The following PTPRN2 variants were observed in gnomAD, a reference collection of about 807,000 sequenced individuals.
The protein encoded by PTPRN2 is receptor-type tyrosine-protein phosphatase N2.
A neutral mutation model predicts 118.8 loss-of-function variants in PTPRN2; 74 were observed. The observed-to-expected ratio is 0.62, with a 90% confidence interval of 0.52 to 0.76. The LOEUF is 0.76. Ranked by LOEUF, PTPRN2 falls within the 30% of genes least tolerant of loss-of-function variation. PTPRN2 has a pLI of 0.00. For synonymous variants in PTPRN2, 641 were observed against 608.0 expected (o/e 1.05, Z -0.80); for missense variants, 1,481 against 1,394.4 (o/e 1.06, Z -0.99).
intron 4 of PTPRN2, among the ~76,000 whole-genome samples, chr7:158,196,647 C>G (rs139854977): frequency 6.6e-6 from 1 of 152,316 alleles, no homozygotes; most frequent in Non-Finnish European, 1.5e-5. Context: ...AGACACCCAA[C>G]CGAGATGTAG....
chr7:158,421,118 A>C (rs1037788348), intron 2 of PTPRN2, among the ~76,000 whole-genome samples: 1 of 152,102 alleles, frequency 6.6e-6, no homozygotes, highest in Non-Finnish European at 1.5e-5. Flanking sequence ...TGTGGCTCAG[A>C]TCTTCAGTCC....
At chr7:158,289,895 T>C (rs1030007305) in intron 3 of PTPRN2, among the ~76,000 whole-genome samples, 63 of 152,344 alleles carry the variant, frequency 4.1e-4, no homozygotes, top group African/African-American at 1.4e-3. Context: ...AGGCTTGCTA[T>C]TGGGGTCCTC....
chr7:158,280,670 G>A (rs79128063), intron 3 of PTPRN2, among the ~76,000 whole-genome samples: 3,559 of 152,240 alleles, frequency 0.023, 159 homozygotes, highest in African/African-American at 0.081. Context: ...GTAGAGACGC[G>A]GCCGTGGAGT....
chr7:158,373,003 C>T (rs1003358765), intron 2 of PTPRN2, among the ~76,000 whole-genome samples: 22 of 152,148 alleles, frequency 1.4e-4, no homozygotes, highest in African/African-American at 4.8e-4. Flanking sequence ...CTGAGCAGGG[C>T]CACTACAGGG....
rs563630720 is a variant in PTPRN2 at position 157,801,058 on chromosome 7, T to C, written c.1788+97615A>G. Among the ~76,000 whole-genome samples, 1 of 144,250 alleles carries C rather than the reference T, an allele frequency of 6.9e-6. No homozygotes were observed. Among genetic ancestry groups the C allele is most frequent in the Non-Finnish European group, 1.5e-5 (1 of 64,662 alleles). 94.6% of individuals were successfully genotyped at this position (144,250 alleles called of 152,430 possible). ...ACATATATATACACATATATACACATATATATACACATATATATACACACA... is the reference window on the plus strand; with the variant it reads ...ACATATATATACACATATATACACACATATATACACATATATATACACACA... On this transcript the variant is annotated intron_variant, in intron 12 of 22. Coordinates refer to ENST00000389418, the MANE Select transcript of PTPRN2 (RefSeq NM_002847.5). The surrounding 1 kb of genome is among the most constrained non-coding windows in gnomAD (Gnocchi z 4.2).
At chr7:157,803,923 A>AGAGGC (rs1410846464) in intron 12 of PTPRN2, among the ~76,000 whole-genome samples, 75 of 152,240 alleles carry the variant, frequency 4.9e-4, no homozygotes, top group Admixed American at 2.0e-3. Context: ...TTTTGGTGTA[A>AGAGGC]TTTCTTCATT....
In PTPRN2 at chr7:157,609,003, G is replaced by C. The variant is rs559808354; in HGVS notation, c.2345-4928C>G. ...TTCCTTCACCTGGCCCTATAACTGA[G>C]TTAATGTCATTGGGTTAAATTAACC... On this transcript the variant is annotated intron_variant, in intron 15 of 22. Coordinates refer to ENST00000389418, the MANE Select transcript of PTPRN2 (RefSeq NM_002847.5). The surrounding 1 kb of genome is among the most constrained non-coding windows in gnomAD (Gnocchi z 4.9). 1.3e-5 allele frequency among the ~76,000 whole-genome samples: 2 copies of C among 152,200 alleles called. 1 individual carries two copies. Among genetic ancestry groups the C allele is most frequent in the Admixed American group, 1.3e-4 (2 of 15,284 alleles).
intron 11 of PTPRN2, among the ~76,000 whole-genome samples, chr7:157,934,197 G>A (rs190377835): frequency 5.6e-4 from 86 of 152,344 alleles, no homozygotes; most frequent in African/African-American, 1.9e-3. Flanking sequence ...TTTCTGCACC[G>A]TGAATGCTGT....
chr7:157,846,768 G>A (rs1808841474), intron 12 of PTPRN2, among the ~76,000 whole-genome samples: 2 of 150,612 alleles, frequency 1.3e-5, no homozygotes, highest in African/African-American at 4.9e-5. Flanking sequence ...GATGTCTACA[G>A]AGCCCTCTCT....
At chr7:157,643,386 C>T (rs1804823528) in intron 14 of PTPRN2, among the ~76,000 whole-genome samples, 2 of 152,224 alleles carry the variant, frequency 1.3e-5, no homozygotes, top group South Asian at 4.1e-4. Context: ...ATCACTCCCC[C>T]TCCCACAAAA....
rs1284763320 is a variant in PTPRN2 at position 157,748,515 on chromosome 7, T to C, written c.1789-65578A>G. Among the ~76,000 whole-genome samples, 168 of 60,596 alleles carry C rather than the reference T, an allele frequency of 2.8e-3. 3 individuals carry two copies. Among genetic ancestry groups the C allele is most frequent in the Admixed American group, 3.8e-3 (19 of 4,936 alleles). 39.8% of individuals were successfully genotyped at this position (60,596 alleles called of 152,430 possible). ...GCGGAGTGTCTGGGTGATTCTTAGG[T>C]CTGCGTCTCTGAGCTGTGGGGTGTC... is the stretch of plus-strand genomic sequence containing the variant. On this transcript the variant is annotated intron_variant, in intron 12 of 22. Coordinates refer to ENST00000389418, the MANE Select transcript of PTPRN2 (RefSeq NM_002847.5).
At chr7:157,876,497 A>G (rs893365671) in intron 12 of PTPRN2, among the ~76,000 whole-genome samples, 1 of 152,192 alleles carries the variant, frequency 6.6e-6, no homozygotes, top group Non-Finnish European at 1.5e-5. Flanking sequence ...TGCTGACACC[A>G]CCACAAATAA....
chr7:158,048,696 C>T (rs1200914955), intron 11 of PTPRN2, among the ~76,000 whole-genome samples: 1 of 18,964 alleles, frequency 5.3e-5, no homozygotes, highest in Non-Finnish European at 1.2e-4. Flanking sequence ...CATCACATCA[C>T]AACCACCATC....
chr7:157,906,755 G>T (rs370022198), intron 11 of PTPRN2, among the ~76,000 whole-genome samples: 1 of 152,168 alleles, frequency 6.6e-6, no homozygotes, highest in East Asian at 1.9e-4. Flanking sequence ...CCAGGACCAC[G>T]GGCGGTGTGG....
At chr7:157,856,961 A>T (rs1055677691) in intron 12 of PTPRN2, among the ~76,000 whole-genome samples, 6 of 152,060 alleles carry the variant, frequency 3.9e-5, no homozygotes, top group Non-Finnish European at 8.8e-5. Context: ...TTTTCTCCAA[A>T]TTTTTAGCAG....
At chr7:158,359,664 T>C (rs796677061) in intron 2 of PTPRN2, among the ~76,000 whole-genome samples, 29 of 152,296 alleles carry the variant, frequency 1.9e-4, no homozygotes, top group African/African-American at 7.0e-4. Context: ...CATGGCTATT[T>C]AAAAACCCAG....
chr7:157,657,651 T>C (rs1481471371), intron 13 of PTPRN2, among the ~76,000 whole-genome samples: 2 of 53,012 alleles, frequency 3.8e-5, no homozygotes, highest in Admixed American at 2.5e-4. Flanking sequence ...ATCACACATA[T>C]ACACACACAT....
At chr7:157,665,542 G>A (rs1021954821) in intron 13 of PTPRN2, among the ~76,000 whole-genome samples, 5 of 152,226 alleles carry the variant, frequency 3.3e-5, no homozygotes, top group East Asian at 1.9e-4. Flanking sequence ...AGGCACCCAC[G>A]GGGCCACTCC....
In PTPRN2 at chr7:158,474,977, C is replaced by T. The variant is rs1338457129; in HGVS notation, c.163+14758G>A. ...GGCATTTGCGCCTCCTGGTGCCCCA[C>T]GGAGACAGGCCCTGAGGAGCCTGGT... On this transcript the variant is annotated intron_variant, in intron 2 of 22. Transcript: ENST00000389418. Among the ~76,000 whole-genome samples the T allele has an allele frequency of 2.6e-5, 4 of 152,196 alleles. No homozygotes were observed. The East Asian group carries it at 5.8e-4, about 22-fold the overall frequency.
Sources: allele counts gnomAD v4.1 joint callset (sites outside exome capture counted in the v4.1 genomes callset), GRCh38; gene constraint gnomAD v4.1.1; non-coding constraint Gnocchi (gnomAD v3.1); transcripts MANE v1.5; gene names NCBI Gene and HGNC (gene_info 2026-07-23, HGNC 2026-07-21).